PRRC2A: variants seen among roughly 807,000 people sequenced by gnomAD.
PRRC2A encodes the protein proline rich coiled-coil 2A, also known as protein PRRC2A.
Under a neutral mutation model 224.6 loss-of-function variants are expected in PRRC2A, and 59 were observed. The ratio of observed to expected loss-of-function variants is 0.26; its 90% CI spans 0.21 to 0.33. The LOEUF (loss-of-function observed/expected upper bound fraction) is 0.33, where lower values mean the gene tolerates loss of function less well. PRRC2A is among the 10% of genes least tolerant of loss of function. PRRC2A has a pLI of 1.00. For synonymous variants in PRRC2A, 1,194 were observed against 1,109.5 expected (o/e 1.08, Z -1.51); for missense variants, 3,095 against 2,880.7 (o/e 1.07, Z -1.70).
Position 31,631,962 on chromosome 6 carries a change from A to C in PRRC2A, c.3289A>C (p.Ile1097Leu). Residue 1097 changes from isoleucine to leucine, a missense_variant, in exon 16 of 31, where the codon ATC (isoleucine) becomes CTC (leucine). Transcript: ENST00000376033. The surrounding 1 kb of genome is among the most constrained non-coding windows in gnomAD (Gnocchi z 4.5). Reference sequence around the variant, plus strand: ...GAGCGAGGGTTCAGAGTATGAGGAAATCCCCAAGCGGCGCCGGCAGCGGGG... The same window carrying C: ...GAGCGAGGGTTCAGAGTATGAGGAACTCCCCAAGCGGCGCCGGCAGCGGGG... ...TRSEGSEYEE[I>L]PKRRRQRGSE... The C allele has an allele frequency of 6.2e-7, 1 of 1,612,098 alleles. No homozygotes were observed. Among genetic ancestry groups the C allele is most frequent in the Non-Finnish European group, 8.5e-7 (1 of 1,179,590 alleles).
Position 31,636,505 on chromosome 6 carries a change from G to A in PRRC2A, c.5836-5G>A, listed in dbSNP as rs550898002. Reference sequence around the variant, plus strand: ...GTTGATATATTTCTCCCTGTTTCCCGACAGGTACGCCAGGATCTGCCATCC... The same window carrying A: ...GTTGATATATTTCTCCCTGTTTCCCAACAGGTACGCCAGGATCTGCCATCC... On this transcript the variant is annotated splice_polypyrimidine_tract_variant and splice_region_variant and intron_variant, in intron 26 of 30. Coordinates refer to ENST00000376033, the MANE Select transcript of PRRC2A (RefSeq NM_004638.4). The surrounding 1 kb of genome is among the most constrained non-coding windows in gnomAD (Gnocchi z 4.3). 8.7e-6 allele frequency: 14 copies of A among 1,608,814 alleles called. No individual in the cohort carries two copies. In the African/African-American group the frequency reaches 1.2e-4, roughly 14 times the overall value.
At position 31,628,201 on chromosome 6, in the gene PRRC2A, C is replaced by G. The variant is rs1299329134; in HGVS notation, c.1727C>G (p.Thr576Ser). The G allele has an allele frequency of 1.9e-6, 3 of 1,612,408 alleles. No homozygotes were observed. The highest frequency in any genetic ancestry group is 2.5e-6 in the Non-Finnish European group (3 of 1,179,970). Residue 576 changes from threonine (T) to serine (S), a missense_variant, in exon 12 of 31, where the codon ACC becomes AGC. Transcript: ENST00000376033. ...APTLVSGGGS[T>S]SSTSSGSFEA... is the part of the protein sequence containing the mutation. ...ACTCTGGTGAGTGGTGGTGGCAGTA[C>G]CAGTAGCACCAGCAGTGGCAGCTTC...
chr6:31,631,192 G>C lies in PRRC2A; in HGVS notation c.2519G>C (p.Gly840Ala), dbSNP rs946575083. 2 of 1,589,766 alleles carry C rather than the reference G, an allele frequency of 1.3e-6. No homozygotes were observed. The highest frequency in any genetic ancestry group is 8.6e-7 in the Non-Finnish European group (1 of 1,168,950). ...CCACCCTATCTGGCCAGTTATCCAG[G>C]CTTTCCTGAGAATGGAGCCCCTGGG... ...PPPPYLASYP[G>A]FPENGAPGPP... The change falls in exon 16 of 31, where the codon GGC becomes GCC. Residue 840 changes from glycine (G) to alanine (A), a missense_variant. Coordinates refer to ENST00000376033, the MANE Select transcript of PRRC2A (RefSeq NM_004638.4). The surrounding 1 kb of genome is among the most constrained non-coding windows in gnomAD (Gnocchi z 4.5).
At position 31,623,724 on chromosome 6, in the gene PRRC2A, T is replaced by G. The variant is rs1169292739; in HGVS notation, c.113-8T>G. On this transcript the variant is annotated splice_region_variant and splice_polypyrimidine_tract_variant and intron_variant, in intron 2 of 30. Coordinates refer to ENST00000376033, the MANE Select transcript of PRRC2A (RefSeq NM_004638.4). Reference sequence around the variant, plus strand: ...CATTTTCGACCCTCTCTCCGTCTTGTTCTCCAGTTGCCCCTCGCCATGGCC... The same window carrying G: ...CATTTTCGACCCTCTCTCCGTCTTGGTCTCCAGTTGCCCCTCGCCATGGCC... 2 of 1,613,960 alleles carry G rather than the reference T, an allele frequency of 1.2e-6. No individual in the cohort carries two copies. The highest frequency in any genetic ancestry group is 1.7e-5 in the Admixed American group (1 of 60,016).
Position 31,634,227 on chromosome 6 carries a change from C to T in PRRC2A, c.4720-9C>T, listed in dbSNP as rs767235393. Reference sequence around the variant, plus strand: ...TTCATGTTTTGCTTCTGGCCCTTCTCATCTGTAGGAATCTTTGCCACCTCC... The same window carrying T: ...TTCATGTTTTGCTTCTGGCCCTTCTTATCTGTAGGAATCTTTGCCACCTCC... On this transcript the variant is annotated splice_polypyrimidine_tract_variant and intron_variant, in intron 18 of 30. Coordinates refer to ENST00000376033, the MANE Select transcript of PRRC2A (RefSeq NM_004638.4). The T allele has an allele frequency of 1.2e-5, 19 of 1,581,734 alleles. No individual in the cohort carries two copies. The highest frequency in any genetic ancestry group is 1.1e-4 in the African/African-American group (8 of 72,554).
Position 31,632,880 on chromosome 6 carries a change from G to A in PRRC2A, c.4207G>A (p.Gly1403Ser), listed in dbSNP as rs762790046. 3 of 1,613,050 alleles carry A rather than the reference G, an allele frequency of 1.9e-6. No homozygotes were observed. Among genetic ancestry groups the A allele is most frequent in the East Asian group, 2.2e-5 (1 of 44,888 alleles). The change falls in exon 16 of 31, where the codon GGC (glycine) becomes AGC (serine). Residue 1403 changes from glycine to serine, a missense_variant. Coordinates refer to ENST00000376033, the MANE Select transcript of PRRC2A (RefSeq NM_004638.4). ...ERQNRRPGPG[G>S]KAGSSGSSSG... is the part of the protein sequence containing the mutation. ...GCAGAATCGGCGCCCTGGCCCAGGG[G>A]GCAAGGCTGGCAGCAGTGGCAGCAG...
Position 31,625,774 on chromosome 6 carries a change from T to C in PRRC2A, c.760-18T>C, listed in dbSNP as rs1775837500. 2.6e-6 allele frequency: 4 copies of C among 1,562,500 alleles called. No homozygotes were observed. Among genetic ancestry groups the C allele is most frequent in the Non-Finnish European group, 3.5e-6 (4 of 1,133,248 alleles). On this transcript the variant is annotated intron_variant, in intron 7 of 30. Transcript: ENST00000376033. This position sits in a 1 kb window ranked among gnomAD's most constrained non-coding sequence, Gnocchi z 4.1. ...TATGACTGTCCCTCTGAGCAGCTAC[T>C]GTTGGACCCTTTTACAGATGTATCC...
Position 31,627,673 on chromosome 6 carries a change from T to A in PRRC2A, c.1291-92T>A. The A allele has an allele frequency of 6.7e-7, 1 of 1,486,524 alleles. No homozygotes were observed. Among genetic ancestry groups the A allele is most frequent in the Non-Finnish European group, 9.0e-7 (1 of 1,108,778 alleles). The allele number at this position is 1,486,524 out of a possible 1,614,324, so 92.1% of individuals were successfully genotyped here. A position where few individuals can be genotyped will look rare whatever the true frequency, so the allele number is the denominator to read the frequency against. On this transcript the variant is annotated intron_variant, in intron 11 of 30. Transcript: ENST00000376033. This position sits in a 1 kb window ranked among gnomAD's most constrained non-coding sequence, Gnocchi z 5.6. ...CCCCAAAGCCTGGGTCGTTGCATCCTGCAAGTAGCGACAGTTGATTTGTTG... is the reference window on the plus strand; with the variant it reads ...CCCCAAAGCCTGGGTCGTTGCATCCAGCAAGTAGCGACAGTTGATTTGTTG...
chr6:31,636,962 G>C lies in PRRC2A; in HGVS notation c.6147+17G>C. The C allele has an allele frequency of 6.2e-7, 1 of 1,608,318 alleles. No individual in the cohort carries two copies. On this transcript the variant is annotated intron_variant, in intron 28 of 30. Transcript: ENST00000376033. The surrounding 1 kb of genome is among the most constrained non-coding windows in gnomAD (Gnocchi z 4.3). The stretch of plus-strand genomic sequence containing the variant: ...CGAGCAGAGGTAAGGTACAGGAACT[G>C]AGGGGCTAGGGAGCGCCAAGACTTG...
At position 31,633,956 on chromosome 6, in the gene PRRC2A, G is replaced by T; in HGVS notation, c.4686G>T (p.Glu1562Asp). The stretch of plus-strand genomic sequence containing the variant: ...GTCCCTTTCCCCCTAAACGTCGGGA[G>T]CGGCCTCCCAGAAAACCAGAGCTGC... Reference protein sequence around the residue: ...GVSPFPPKRRERPPRKPELLQ... With the variant: ...GVSPFPPKRRDRPPRKPELLQ... The change falls in exon 18 of 31, where the codon GAG becomes GAT. Residue 1562 changes from glutamate to aspartate, a missense_variant. Transcript: ENST00000376033. The T allele has an allele frequency of 6.2e-7, 1 of 1,603,230 alleles. No homozygotes were observed. The highest frequency in any genetic ancestry group is 8.5e-7 in the Non-Finnish European group (1 of 1,177,470).
chr6:31,629,302 T>G lies in PRRC2A; in HGVS notation c.1924T>G (p.Ser642Ala). 6.3e-7 allele frequency: 1 copy of G among 1,577,502 alleles called. No homozygotes were observed. The highest frequency in any genetic ancestry group is 8.6e-7 in the Non-Finnish European group (1 of 1,162,096). Residue 642 changes from serine to alanine, a missense_variant, in exon 13 of 31, where the codon TCG becomes GCG. Ser to Ala is a moderately conservative substitution (Grantham distance 99). Transcript: ENST00000376033. ...CTTGGGCTACCCCAAATATCAGAAG[T>G]CGTTGCCTCCTCGTTTCCAGCGGCA... ...QGLGYPKYQK[S>A]LPPRFQRQQQ...
rs747988741 is a variant in PRRC2A at position 31,631,855 on chromosome 6, G to A, written c.3182G>A (p.Arg1061Gln). The A allele has an allele frequency of 1.7e-5, 28 of 1,608,102 alleles. No individual in the cohort carries two copies. The highest frequency in any genetic ancestry group is 1.4e-5 in the Non-Finnish European group (17 of 1,177,698). The change falls in exon 16 of 31, where the codon CGA becomes CAA. Residue 1061 changes from arginine (R) to glutamine (Q), a missense_variant. Coordinates refer to ENST00000376033, the MANE Select transcript of PRRC2A (RefSeq NM_004638.4). This position sits in a 1 kb window ranked among gnomAD's most constrained non-coding sequence, Gnocchi z 4.5. Reference protein sequence around the residue: ...SREFRSYREFRGDDGRGGGTG... With the variant: ...SREFRSYREFQGDDGRGGGTG... Reference sequence around the variant, plus strand: ...GAATTCCGCAGTTACCGAGAGTTTCGAGGAGATGATGGGCGTGGAGGTGGG... The same window carrying A: ...GAATTCCGCAGTTACCGAGAGTTTCAAGGAGATGATGGGCGTGGAGGTGGG...
chr6:31,631,764 T>G lies in PRRC2A; in HGVS notation c.3091T>G (p.Tyr1031Asp). 2 of 1,527,276 alleles carry G rather than the reference T, an allele frequency of 1.3e-6. No individual in the cohort carries two copies. Among genetic ancestry groups the G allele is most frequent in the Non-Finnish European group, 1.8e-6 (2 of 1,135,244 alleles). 94.6% of individuals were successfully genotyped at this position (1,527,276 alleles called of 1,614,324 possible). A position where few individuals can be genotyped will look rare whatever the true frequency, so the allele number is the denominator to read the frequency against. Residue 1031 changes from tyrosine (Y) to aspartate (D), a missense_variant, in exon 16 of 31, where the codon TAT becomes GAT. Coordinates refer to ENST00000376033, the MANE Select transcript of PRRC2A (RefSeq NM_004638.4). The surrounding 1 kb of genome is among the most constrained non-coding windows in gnomAD (Gnocchi z 4.5). ...TSCRGRGRGE[Y>D]FARGRGFRGT... is the part of the protein sequence containing the mutation. ...TTGCCGGGGTCGGGGCCGAGGCGAGTATTTTGCCAGAGGGAGGGGTTTTCG... is the reference window on the plus strand; with the variant it reads ...TTGCCGGGGTCGGGGCCGAGGCGAGGATTTTGCCAGAGGGAGGGGTTTTCG...
At chr6:31,624,580 T>A in intron 5 of PRRC2A, 58 bp downstream of exon 5, 4 of 1,529,242 alleles carry the variant, frequency 2.6e-6, no homozygotes, top group Non-Finnish European at 3.6e-6. Context: ...GCATGAACCC[T>A]GCACTGTATT....
Position 31,633,840 on chromosome 6 carries a change from C to T in PRRC2A, c.4589-19C>T. 2 of 1,571,512 alleles carry T rather than the reference C, an allele frequency of 1.3e-6. No individual in the cohort carries two copies. The highest frequency in any genetic ancestry group is 1.2e-5 in the South Asian group (1 of 84,620). On this transcript the variant is annotated intron_variant, in intron 17 of 30. Coordinates refer to ENST00000376033, the MANE Select transcript of PRRC2A (RefSeq NM_004638.4). The stretch of plus-strand genomic sequence containing the variant: ...AGTGGCAGAGCCAGGCAGATGCTGA[C>T]CCTTTTTCTCTTTCCCAGACCCCCA...
rs1192909009 is a variant in PRRC2A at position 31,625,832 on chromosome 6, C to A, written c.800C>A (p.Pro267His). The A allele has an allele frequency of 1.3e-6, 2 of 1,591,624 alleles. No individual in the cohort carries two copies. Among genetic ancestry groups the A allele is most frequent in the Non-Finnish European group, 1.7e-6 (2 of 1,160,554 alleles). The change falls in exon 8 of 31, where the codon CCC becomes CAC. Residue 267 changes from proline to histidine, a missense_variant. Physicochemically the swap from Pro to His is moderately conservative, Grantham distance 77. Around this residue, in one of 8 missense-constraint regions of PRRC2A, gnomAD observed 287 missense variants for 275.3 expected, o/e 1.04. Coordinates refer to ENST00000376033, the MANE Select transcript of PRRC2A (RefSeq NM_004638.4). The surrounding 1 kb of genome is among the most constrained non-coding windows in gnomAD (Gnocchi z 4.1). ...CTCCCGTTCCCTCCGCCCTATGGAC[C>A]CCAGGGGCCTTACCGATACCCCACT... Reference protein sequence around the residue: ...PYLPFPPPYGPQGPYRYPTPD... With the variant: ...PYLPFPPPYGHQGPYRYPTPD...
At position 31,637,756 on chromosome 6, in the gene PRRC2A, G is replaced by C; in HGVS notation, c.*170G>C. ...GTTTGTTAAAAAAGAGTAATAAAAG[G>C]ATTTAAAAAAAAAAACTTCTACAAT... On this transcript the variant is annotated 3_prime_UTR_variant, in exon 31 of 31. Coordinates refer to ENST00000376033, the MANE Select transcript of PRRC2A (RefSeq NM_004638.4). 7.0e-6 allele frequency: 3 copies of C among 429,194 alleles called. No individual in the cohort carries two copies. Among genetic ancestry groups the C allele is most frequent in the Non-Finnish European group, 4.1e-6 (1 of 245,590 alleles). The allele number at this position is 429,194 out of a possible 1,614,324, so 26.6% of individuals were successfully genotyped here.
rs745811250 is a variant in PRRC2A, at chr6:31,632,509, T to C, written c.3836T>C (p.Leu1279Pro). 3.1e-6 allele frequency: 5 copies of C among 1,608,668 alleles called. No homozygotes were observed. Among genetic ancestry groups the C allele is most frequent in the Non-Finnish European group, 4.2e-6 (5 of 1,177,230 alleles). Residue 1279 changes from leucine to proline, a missense_variant, in exon 16 of 31, where the codon CTT (leucine) becomes CCT (proline). Physicochemically the swap from Leu to Pro is moderately conservative, Grantham distance 98. This residue lies in a region of PRRC2A where 2,001 missense variants were observed against 1,764.9 expected (regional missense o/e 1.13). Transcript: ENST00000376033. ...RGSEGKPSLTLPASAPGPEEA... is the reference protein window; with the variant it reads ...RGSEGKPSLTPPASAPGPEEA... ...TCTGAGGGCAAGCCCTCCCTAACCC[T>C]TCCAGCCTCCGCTCCTGGACCTGAG...
rs1245983765 is a variant in PRRC2A at position 31,633,511 on chromosome 6, T to C, written c.4452T>C (p.Ser1484=). 1 of 1,613,092 alleles carries C rather than the reference T, an allele frequency of 6.2e-7. No individual in the cohort carries two copies. Among genetic ancestry groups the C allele is most frequent in the East Asian group, 2.2e-5 (1 of 44,878 alleles). Reference sequence around the variant, plus strand: ...TCCAACAGGCTCTGGCCCAGCTTAGTAGCCGTCAAGGGAGTGTAACTGCAC... The same window carrying C: ...TCCAACAGGCTCTGGCCCAGCTTAGCAGCCGTCAAGGGAGTGTAACTGCAC... ...AGIQQALAQL[S]SRQGSVTAPG... is the part of the protein sequence containing the mutation. The change falls in exon 17 of 31, where the codon AGT becomes AGC. Residue 1484 remains serine, a synonymous_variant. Coordinates refer to ENST00000376033, the MANE Select transcript of PRRC2A (RefSeq NM_004638.4).
Sources: allele counts gnomAD v4.1 joint callset, GRCh38; gene constraint gnomAD v4.1.1; regional missense constraint gnomAD v4.1.1; non-coding constraint Gnocchi (gnomAD v3.1); transcripts MANE v1.5; gene names NCBI Gene and HGNC (gene_info 2026-07-23, HGNC 2026-07-21).